The following CNTN5 variants were observed in gnomAD, a reference collection of about 807,000 sequenced individuals.
CNTN5 encodes the protein contactin 5.
A neutral mutation model predicts 129.1 loss-of-function variants in CNTN5; 77 were observed. That is an observed-to-expected ratio of 0.60 (90% CI 0.50 to 0.72). The LOEUF (loss-of-function observed/expected upper bound fraction) is 0.72. Among genes scored for constraint, CNTN5 ranks in the 30% least tolerant of loss-of-function variants. The pLI is 0.00. For synonymous variants in CNTN5, 509 were observed against 465.6 expected (o/e 1.09, Z -1.20); for missense variants, 1,478 against 1,328.8 (o/e 1.11, Z -1.75).
chr11:99,512,102 T>C lies in CNTN5; in HGVS notation c.-70-44043T>C, dbSNP rs12576403. Among the ~76,000 whole-genome samples the C allele has an allele frequency of 4.8e-3, 728 of 152,268 alleles. 22 individuals carry two copies. In the East Asian group the frequency reaches 0.094, roughly 20 times the overall value. On this transcript the variant is annotated intron_variant, in intron 2 of 24. Coordinates refer to ENST00000524871, the MANE Select transcript of CNTN5 (RefSeq NM_014361.4). ...TACAGTAATGTCCTAGGGCTTCACA[T>C]TCACTCCCATTCACTCCTGAACTCA... is the stretch of plus-strand genomic sequence containing the variant.
chr11:99,400,225 T>G (rs1315332389), intron 2 of CNTN5, among the ~76,000 whole-genome samples: 1 of 151,982 alleles, frequency 6.6e-6, no homozygotes, highest in Admixed American at 6.6e-5. Flanking sequence ...TCTCCAAGGG[T>G]TCAATAGTTT....
intron 2 of CNTN5, among the ~76,000 whole-genome samples, chr11:99,520,695 A>G (rs941017993): frequency 6.6e-6 from 1 of 152,108 alleles, no homozygotes; most frequent in Non-Finnish European, 1.5e-5. Flanking sequence ...GTGTTAGTAC[A>G]TACAACCTCC....
chr11:100,301,161 T>C (rs1951210291), intron 20 of CNTN5, among the ~76,000 whole-genome samples: 1 of 151,658 alleles, frequency 6.6e-6, no homozygotes, highest in Admixed American at 6.6e-5. Context: ...ATTCAGAAAG[T>C]ACATATTCTT....
At chr11:99,153,913 G>T (rs1157993995) in intron 1 of CNTN5, among the ~76,000 whole-genome samples, 1 of 151,298 alleles carries the variant, frequency 6.6e-6, no homozygotes, top group Non-Finnish European at 1.5e-5. Context: ...CATTTAAGGG[G>T]ATAAGGCTTA....
At chr11:99,809,920 A>G (rs1407970234) in intron 3 of CNTN5, among the ~76,000 whole-genome samples, 1 of 152,124 alleles carries the variant, frequency 6.6e-6, no homozygotes, top group African/African-American at 2.4e-5. Flanking sequence ...AACAAGAGGG[A>G]ATTCTTTAAT....
chr11:99,976,303 CA>C (rs1199016643), intron 8 of CNTN5, among the ~76,000 whole-genome samples: 1 of 152,222 alleles, frequency 6.6e-6, no homozygotes, highest in African/African-American at 2.4e-5. Flanking sequence ...GCACATGGTG[CA>C]AACTGTTGGT....
At chr11:99,755,643 A>G (rs948263683) in intron 3 of CNTN5, among the ~76,000 whole-genome samples, 1 of 151,278 alleles carries the variant, frequency 6.6e-6, no homozygotes, top group African/African-American at 2.4e-5. Flanking sequence ...TTTTGCAAAT[A>G]TTTTCTTCCA....
At chr11:99,496,838 G>A (rs889297851) in intron 2 of CNTN5, among the ~76,000 whole-genome samples, 1 of 152,158 alleles carries the variant, frequency 6.6e-6, no homozygotes, top group Non-Finnish European at 1.5e-5. Context: ...TACGTTTTCA[G>A]CCTGTGTAAA....
At chr11:100,207,577 CATAA>C (rs1209522731) in intron 15 of CNTN5, among the ~76,000 whole-genome samples, 9 of 151,970 alleles carry the variant, frequency 5.9e-5, no homozygotes, top group Non-Finnish European at 1.2e-4. Flanking sequence ...CTGATAGCCC[CATAA>C]ATAAATATAT....
At chr11:99,685,664 T>C (rs1315570628) in intron 3 of CNTN5, among the ~76,000 whole-genome samples, 1 of 152,008 alleles carries the variant, frequency 6.6e-6, no homozygotes, top group Non-Finnish European at 1.5e-5. Context: ...AAGCTTTCTT[T>C]GGTCAGTGTT....
At chr11:99,800,853 G>A (rs930181333) in intron 3 of CNTN5, among the ~76,000 whole-genome samples, 1 of 151,990 alleles carries the variant, frequency 6.6e-6, no homozygotes, top group African/African-American at 2.4e-5. Context: ...CTGGCAGATG[G>A]GTTGTCTTTT....
At chr11:99,981,077 G>GTT in intron 8 of CNTN5, among the ~76,000 whole-genome samples, 1 of 57,594 alleles carries the variant, frequency 1.7e-5, no homozygotes, top group Non-Finnish European at 3.5e-5. Flanking sequence ...GAGCCAATAG[G>GTT]ATATATATAT....
intron 2 of CNTN5, among the ~76,000 whole-genome samples, chr11:99,426,148 C>T (rs1005184971): frequency 1.3e-5 from 2 of 152,080 alleles, no homozygotes; most frequent in Non-Finnish European, 2.9e-5. Context: ...TTTTATTATA[C>T]CAAAAATCTG....
At chr11:100,181,556 C>A (rs540998784) in intron 13 of CNTN5, among the ~76,000 whole-genome samples, 2 of 151,762 alleles carry the variant, frequency 1.3e-5, no homozygotes, top group Non-Finnish European at 2.9e-5. Flanking sequence ...ACTTAAAATG[C>A]GCACTTACAC....
chr11:99,733,541 C>T (rs1001949779), intron 3 of CNTN5, among the ~76,000 whole-genome samples: 8 of 151,988 alleles, frequency 5.3e-5, no homozygotes, highest in African/African-American at 1.9e-4. Flanking sequence ...CCTCTTCAAC[C>T]AAGTGTTGTT....
In CNTN5 at chr11:99,408,282, G is replaced by C. The variant is rs924343973; in HGVS notation, c.-71+82798G>C. ...TGCCCAGGCTGGAGTGCAGTGGTGCGATCATAGCTCACTGCAGCCTGGAAC... is the reference window on the plus strand; with the variant it reads ...TGCCCAGGCTGGAGTGCAGTGGTGCCATCATAGCTCACTGCAGCCTGGAAC... On this transcript the variant is annotated intron_variant, in intron 2 of 24. Coordinates refer to ENST00000524871, the MANE Select transcript of CNTN5 (RefSeq NM_014361.4). Among the ~76,000 whole-genome samples, 3 of 149,742 alleles carry C rather than the reference G, an allele frequency of 2.0e-5. No individual in the cohort carries two copies. The East Asian group carries it at 5.9e-4, about 29-fold the overall frequency.
chr11:99,553,502 C>T (rs987035025), intron 2 of CNTN5, among the ~76,000 whole-genome samples: 2 of 151,874 alleles, frequency 1.3e-5, no homozygotes, highest in African/African-American at 4.8e-5. Context: ...TTACATATTT[C>T]AGAATCTTAA....
chr11:99,417,902 G>A (rs1269226440), intron 2 of CNTN5, among the ~76,000 whole-genome samples: 1 of 152,080 alleles, frequency 6.6e-6, no homozygotes, highest in Non-Finnish European at 1.5e-5. Flanking sequence ...ATTCAATTGT[G>A]GTAACATTAG....
In CNTN5 at chr11:100,210,174, C is replaced by CAA. The variant is rs59613776; in HGVS notation, c.1885-14500_1885-14499dup. Among the ~76,000 whole-genome samples, 325 of 81,078 alleles carry CAA rather than the reference C, an allele frequency of 4.0e-3. 1 individual carries two copies. Among genetic ancestry groups the CAA allele is most frequent in the African/African-American group, 9.7e-3 (253 of 26,090 alleles). 53.2% of individuals were successfully genotyped at this position (81,078 alleles called of 152,430 possible). Reference sequence around the variant, plus strand: ...AACACAGTGAAAACCTGCCTCTATACAAAAAAAAAAAAAAAAAAATACAAA... The same window carrying CAA: ...AACACAGTGAAAACCTGCCTCTATACAAAAAAAAAAAAAAAAAAAAATACAAA... On this transcript the variant is annotated intron_variant, in intron 15 of 24. Transcript: ENST00000524871.
Sources: gnomAD v4.1 joint callset for allele counts (sites outside exome capture counted in the v4.1 genomes callset) on GRCh38, gnomAD v4.1.1 for gene constraint, MANE v1.5 for transcripts, NCBI Gene and HGNC (gene_info 2026-07-23, HGNC 2026-07-21) for gene names.